The following ZNF219 variants were observed in gnomAD, a reference collection of about 807,000 sequenced individuals.
ZNF219 encodes the protein zinc finger protein 219.
Under a neutral mutation model 54.4 loss-of-function variants are expected in ZNF219, and 17 were observed. The ratio of observed to expected loss-of-function variants is 0.31; its 90% CI spans 0.21 to 0.47. ZNF219 has a LOEUF of 0.47. Ranked by LOEUF, ZNF219 falls within the 20% of genes least tolerant of loss-of-function variation. The pLI is 1.00. For synonymous variants in ZNF219, 518 were observed against 476.4 expected, an observed-to-expected ratio of 1.09 and a Z score of -1.14; for missense variants, 1,014 against 1,062.3, an observed-to-expected ratio of 0.95 and a Z score of 0.63.
upstream of ZNF219, chr14:21,103,293 C>A: frequency 6.5e-7 from 1 of 1,538,674 alleles, no homozygotes; most frequent in Non-Finnish European, 8.8e-7. Flanking sequence ...CATCCCACCC[C>A]ACCAAACTCA....
At chr14:21,100,735 G>C (rs1036119597), upstream of ZNF219, among the ~76,000 whole-genome samples, 26 of 152,166 alleles carry the variant, frequency 1.7e-4, no homozygotes, top group African/African-American at 6.0e-4. Context: ...TGGTCTGGGG[G>C]CAAAGCTGCA....
chr14:21,102,881 A>G, upstream of ZNF219: 3 of 1,457,018 alleles, frequency 2.1e-6, no homozygotes, highest in Non-Finnish European at 2.7e-6. Context: ...GGGGCAGGAG[A>G]GAAAAGAAGA....
Position 21,098,530 on chromosome 14 carries a change from G to GGGGGGCGGCGCGGCGGGGCT in ZNF219, c.-322_-303dup, listed in dbSNP as rs1889447609. On this transcript the variant is annotated 5_prime_UTR_variant, in exon 1 of 5. Coordinates refer to ENST00000360947, the MANE Select transcript of ZNF219 (RefSeq NM_016423.3). ...GGAGGCGGCCCGGCCATTAGCATGC[G>GGGGGGCGGCGCGGCGGGGCT]GGGGGCGGCGCGGCGGGGCTGGGAG... is the stretch of plus-strand genomic sequence containing the variant. The GGGGGGCGGCGCGGCGGGGCT allele has an allele frequency of 3.0e-6, 3 of 986,080 alleles. No individual in the cohort carries two copies. Among genetic ancestry groups the GGGGGGCGGCGCGGCGGGGCT allele is most frequent in the African/African-American group, 3.5e-5 (2 of 57,028 alleles). The allele number at this position is 986,080 out of a possible 1,614,324, so 61.1% of individuals were successfully genotyped here.
At chr14:21,101,824 C>A, upstream of ZNF219, 1 of 1,469,482 alleles carries the variant, frequency 6.8e-7, no homozygotes, top group Non-Finnish European at 9.3e-7. Flanking sequence ...GGGAGGGAAT[C>A]CCTGACAGTT....
At position 21,092,807 on chromosome 14, in the gene ZNF219, G is replaced by T; in HGVS notation, c.490C>A (p.Arg164Ser). The T allele has an allele frequency of 6.3e-7, 1 of 1,578,952 alleles. No homozygotes were observed. The highest frequency in any genetic ancestry group is 1.3e-5 in the African/African-American group (1 of 74,184). ...AACTTGCCTTTGCAGTAGGGGCAAC[G>T]GAAGGCGGACGATGAAGGAGCCTGG... ...RPQAPSSSAF[R>S]CPYCKGKFRT... The change falls in exon 3 of 5, where the codon CGT becomes AGT. Residue 164 changes from arginine (R) to serine (S), a missense_variant. By Grantham distance (110) the Arg-to-Ser change is moderately radical (BLOSUM62 -1). Around this residue, in one of 5 missense-constraint regions of ZNF219, gnomAD observed 395 missense variants for 415.1 expected, o/e 0.95. Coordinates refer to ENST00000360947, the MANE Select transcript of ZNF219 (RefSeq NM_016423.3).
At chr14:21,091,268 T>C (rs2139292982) in intron 4 of ZNF219, 128 bp from the exon 5 acceptor site, 1 of 1,508,350 alleles carries the variant, frequency 6.6e-7, no homozygotes, top group Non-Finnish European at 8.9e-7. Context: ...CCCACTTTGA[T>C]TTAATAAAGG....
In ZNF219 at chr14:21,091,082, G is replaced by C. The variant is rs45524331; in HGVS notation, c.1623C>G (p.Leu541=). The change falls in exon 5 of 5, where the codon CTC becomes CTG. Residue 541 remains leucine (L), a synonymous_variant. Transcript: ENST00000360947. The stretch of plus-strand genomic sequence containing the variant: ...GGTGGTGGCGCTGTAGGTGATACTT[G>C]AGCGAGCCGGACTGGGTGCCCGCGT... ...CDYAGTQSGS[L]KYHLQRHHRE... The C allele has an allele frequency of 7.7e-3, 12,027 of 1,571,172 alleles. 53 individuals carry two copies. The highest frequency in any genetic ancestry group is 9.2e-3 in the Non-Finnish European group (10,735 of 1,162,938).
chr14:21,101,492 C>T (rs756018855), upstream of ZNF219: 3 of 1,509,738 alleles, frequency 2.0e-6, no homozygotes, highest in South Asian at 3.6e-5. Flanking sequence ...AGCATGTCCA[C>T]TTCTACCCAA....
At chr14:21,101,432 G>C (rs74602443), upstream of ZNF219, 2,342 of 1,551,440 alleles carry the variant, frequency 1.5e-3, 33 homozygotes, top group African/African-American at 0.029. Flanking sequence ...AGGCAGAGTG[G>C]GCACCTCTTG....
intron 4 of ZNF219, 72 bp downstream of exon 4, chr14:21,091,339 T>C: frequency 6.5e-7 from 1 of 1,545,280 alleles, no homozygotes; most frequent in South Asian, 1.2e-5. Flanking sequence ...CTTCACCTCC[T>C]AGTGTTTCGG....
upstream of ZNF219, chr14:21,103,534 T>C (rs1889784438): frequency 2.4e-6 from 1 of 422,930 alleles, no homozygotes; most frequent in Non-Finnish European, 4.2e-6. Context: ...TTTTCTTTTC[T>C]GTCCACCTTT....
chr14:21,091,035 C>T lies in ZNF219; in HGVS notation c.1670G>A (p.Gly557Asp). ...CGGTGGCTCCGGGGGTGGCCCGGGG[C>T]CGGCCCCGCTCCTCTGCTCCCGGTG... ...RHHREQRSGA[G>D]PGPPPEPPPP... is the part of the protein sequence containing the mutation. The change falls in exon 5 of 5, where the codon GGC becomes GAC. Residue 557 changes from glycine to aspartate, a missense_variant. Physicochemically the swap from Gly to Asp is moderately conservative, Grantham distance 94. Transcript: ENST00000360947. The T allele has an allele frequency of 6.4e-7, 1 of 1,553,310 alleles. No individual in the cohort carries two copies. The highest frequency in any genetic ancestry group is 8.7e-7 in the Non-Finnish European group (1 of 1,155,846).
chr14:21,096,459 G>T (rs1216382285), intron 1 of ZNF219, among the ~76,000 whole-genome samples: 1 of 152,194 alleles, frequency 6.6e-6, no homozygotes, highest in Admixed American at 6.5e-5. Flanking sequence ...GTAGGGGAAA[G>T]AACTGACAGG....
chr14:21,101,938 A>C, upstream of ZNF219: 1 of 1,551,596 alleles, frequency 6.4e-7, no homozygotes, highest in Non-Finnish European at 8.7e-7. Flanking sequence ...TCTGATTGTC[A>C]CATGGCCACA....
chr14:21,091,052 C>T lies in ZNF219; in HGVS notation c.1653G>A (p.Glu551=), dbSNP rs748629071. 20 of 1,560,494 alleles carry T rather than the reference C, an allele frequency of 1.3e-5. No homozygotes were observed. The South Asian group carries it at 2.2e-4, about 17-fold the overall frequency. ...GCCCGGGGCCGGCCCCGCTCCTCTG[C>T]TCCCGGTGGTGGCGCTGTAGGTGAT... ...LKYHLQRHHR[E]QRSGAGPGPP... Residue 551 remains glutamate, a synonymous_variant, in exon 5 of 5, where the codon GAG becomes GAA. Coordinates refer to ENST00000360947, the MANE Select transcript of ZNF219 (RefSeq NM_016423.3).
At chr14:21,099,984 C>T (rs902984498), upstream of ZNF219, among the ~76,000 whole-genome samples, 1 of 152,184 alleles carries the variant, frequency 6.6e-6, no homozygotes, top group Non-Finnish European at 1.5e-5. Context: ...TTATTAAACA[C>T]CCACCCTGAA....
rs1888817534 is a variant in ZNF219 at position 21,091,002 on chromosome 14, G to A, written c.1703C>T (p.Ser568Phe). The A allele has an allele frequency of 6.4e-7, 1 of 1,552,390 alleles. No individual in the cohort carries two copies. The highest frequency in any genetic ancestry group is 8.7e-7 in the Non-Finnish European group (1 of 1,155,708). Residue 568 changes from serine to phenylalanine, a missense_variant, in exon 5 of 5, where the codon TCC becomes TTC. By Grantham distance (155) the Ser-to-Phe change is radical. This residue lies in a region of ZNF219 where 281 missense variants were observed against 271.2 expected (regional missense o/e 1.04). Coordinates refer to ENST00000360947, the MANE Select transcript of ZNF219 (RefSeq NM_016423.3). ...AGATTGCGGGGCCGAACCCCGCTGGGAAGGAGGCGGTGGCTCCGGGGGTGG... is the reference window on the plus strand; with the variant it reads ...AGATTGCGGGGCCGAACCCCGCTGGAAAGGAGGCGGTGGCTCCGGGGGTGG... ...PGPPPEPPPPSQRGSAPQSGA... is the reference protein window; with the variant it reads ...PGPPPEPPPPFQRGSAPQSGA...
upstream of ZNF219, chr14:21,103,016 C>A: frequency 6.7e-7 from 1 of 1,496,988 alleles, no homozygotes. Flanking sequence ...AGGAAGCTGC[C>A]TAAATATTGG....
chr14:21,091,404 C>T lies in ZNF219; in HGVS notation c.1564+7G>A, dbSNP rs1408114520. 2 of 1,589,838 alleles carry T rather than the reference C, an allele frequency of 1.3e-6. No homozygotes were observed. The highest frequency in any genetic ancestry group is 1.7e-6 in the Non-Finnish European group (2 of 1,160,352). ...CCCCTCTCCACGCCGGAGGCTGCCT[C>T]CCTCACCTGTGTGCACTCGCAGATG... On this transcript the variant is annotated splice_region_variant and intron_variant, in intron 4 of 4. Coordinates refer to ENST00000360947, the MANE Select transcript of ZNF219 (RefSeq NM_016423.3).
Sources: allele counts gnomAD v4.1 joint callset (sites outside exome capture counted in the v4.1 genomes callset), GRCh38; gene constraint gnomAD v4.1.1; regional missense constraint gnomAD v4.1.1; transcripts MANE v1.5; gene names NCBI Gene and HGNC (gene_info 2026-07-23, HGNC 2026-07-21).